Variants in FAM110B observed in about 807,000 individuals in gnomAD.
The protein encoded by FAM110B is family with sequence similarity 110 member B.
A neutral mutation model predicts 20.4 loss-of-function variants in FAM110B; 6 were observed. The observed-to-expected ratio is 0.29, with a 90% CI of 0.16 to 0.58. FAM110B has a LOEUF of 0.58. Ranked by LOEUF, FAM110B falls within the 20% of genes least tolerant of loss-of-function variation. FAM110B has a pLI of 0.90. For synonymous variants in FAM110B, 226 were observed against 214.1 expected (o/e 1.06, Z -0.49); for missense variants, 434 against 498.2 (o/e 0.87, Z 1.23).
chr8:58,108,104 T>A (rs1011840551), intron 3 of FAM110B, among the ~76,000 whole-genome samples: 1 of 152,224 alleles, frequency 6.6e-6, no homozygotes, highest in Non-Finnish European at 1.5e-5. Context: ...TCATGTAATG[T>A]ATTTTATCCT....
intron 3 of FAM110B, among the ~76,000 whole-genome samples, chr8:58,076,157 C>T (rs965069318): frequency 2.6e-5 from 4 of 152,080 alleles, no homozygotes; most frequent in Non-Finnish European, 5.9e-5. Context: ...GATGGGGTCT[C>T]ACTATGTTGC....
chr8:57,997,193 G>A (rs1421066482), intron 1 of FAM110B, among the ~76,000 whole-genome samples: 2 of 152,196 alleles, frequency 1.3e-5, no homozygotes, highest in African/African-American at 4.8e-5. Flanking sequence ...GGAGGCATAT[G>A]TATGGTCTAG....
Position 58,145,912 on chromosome 8 carries a change from C to T in FAM110B, c.-319C>T. The T allele has an allele frequency of 4.0e-6, 1 of 247,852 alleles. No homozygotes were observed. The highest frequency in any genetic ancestry group is 7.7e-6 in the Non-Finnish European group (1 of 129,174). The allele number at this position is 247,852 out of a possible 1,614,324, so 15.4% of individuals were successfully genotyped here. ...TTGGTTGTTTTGTGTTTCAGCTCTG[C>T]CTGCAGTTGAACACAAAGACCTGGA... On this transcript the variant is annotated 5_prime_UTR_variant, in exon 4 of 4. Coordinates refer to ENST00000519262, the MANE Select transcript of FAM110B (RefSeq NM_001377989.1).
chr8:58,137,549 G>A (rs941362113), intron 3 of FAM110B, among the ~76,000 whole-genome samples: 5 of 151,862 alleles, frequency 3.3e-5, no homozygotes, highest in Non-Finnish European at 7.4e-5. Context: ...AACACAGTGA[G>A]CCTCCGTCTT....
At chr8:58,071,275 G>C (rs544914382) in intron 2 of FAM110B, among the ~76,000 whole-genome samples, 4 of 152,116 alleles carry the variant, frequency 2.6e-5, no homozygotes, top group Non-Finnish European at 5.9e-5. Context: ...CTTCTCCATA[G>C]TGTCGTATTT....
intron 1 of FAM110B, among the ~76,000 whole-genome samples, chr8:58,012,715 C>T (rs978528054): frequency 6.6e-6 from 1 of 152,112 alleles, no homozygotes; most frequent in African/African-American, 2.4e-5. Context: ...TGGGGTTATC[C>T]CATTTCTTCC....
intron 3 of FAM110B, among the ~76,000 whole-genome samples, chr8:58,116,744 A>C (rs1807224558): frequency 6.6e-6 from 1 of 152,174 alleles, no homozygotes; most frequent in Non-Finnish European, 1.5e-5. Context: ...AAACCAAGAG[A>C]TTATAAATGA....
At chr8:58,034,179 C>A (rs1321767090) in intron 2 of FAM110B, among the ~76,000 whole-genome samples, 1 of 152,158 alleles carries the variant, frequency 6.6e-6, no homozygotes, top group East Asian at 1.9e-4. Context: ...GTGCATCTGT[C>A]TAGACCAAGG....
intron 2 of FAM110B, among the ~76,000 whole-genome samples, chr8:58,041,067 A>G (rs1805208275): frequency 6.7e-6 from 1 of 149,430 alleles, no homozygotes; most frequent in Non-Finnish European, 1.5e-5. Flanking sequence ...CAGCCTGCTG[A>G]GTAGCTAGGA....
chr8:58,054,264 T>C (rs1319428151), intron 2 of FAM110B, among the ~76,000 whole-genome samples: 3 of 152,116 alleles, frequency 2.0e-5, no homozygotes, highest in Admixed American at 6.5e-5. Context: ...AGTGGAGGCA[T>C]GAAGGTGGAT....
At chr8:58,082,132 A>G (rs943358869) in intron 3 of FAM110B, among the ~76,000 whole-genome samples, 2 of 152,226 alleles carry the variant, frequency 1.3e-5, no homozygotes, top group African/African-American at 2.4e-5. Flanking sequence ...GCTTTGCAGC[A>G]TCAGCGCTAT....
At chr8:58,054,261 G>A (rs180684407) in intron 2 of FAM110B, among the ~76,000 whole-genome samples, 2 of 152,244 alleles carry the variant, frequency 1.3e-5, no homozygotes, top group East Asian at 3.9e-4. Flanking sequence ...GGGAGTGGAG[G>A]CATGAAGGTG....
intron 2 of FAM110B, among the ~76,000 whole-genome samples, chr8:58,070,846 G>A (rs1805881654): frequency 6.6e-6 from 1 of 152,160 alleles, no homozygotes; most frequent in Non-Finnish European, 1.5e-5. Context: ...ATGTGCTATT[G>A]TTTCTTTAAA....
intron 2 of FAM110B, among the ~76,000 whole-genome samples, 165 bp downstream of exon 2, chr8:58,031,868 C>A (rs928836712): frequency 6.6e-6 from 1 of 152,120 alleles, no homozygotes; most frequent in African/African-American, 2.4e-5. Context: ...TCTCTCCCTT[C>A]CTCCCCCTTC....
intron 1 of FAM110B, among the ~76,000 whole-genome samples, chr8:58,027,549 A>C (rs1268311144): frequency 6.6e-6 from 1 of 152,152 alleles, no homozygotes; most frequent in African/African-American, 2.4e-5. Flanking sequence ...ACAATCTTGA[A>C]ATAGAACATC....
intron 3 of FAM110B, among the ~76,000 whole-genome samples, chr8:58,077,525 G>C (rs1380048248): frequency 6.6e-6 from 1 of 152,188 alleles, no homozygotes; most frequent in African/African-American, 2.4e-5. Context: ...CTTCACCTCA[G>C]CTCGTCTGCT....
chr8:58,000,415 AT>A (rs1302383031), intron 1 of FAM110B, among the ~76,000 whole-genome samples: 1 of 152,072 alleles, frequency 6.6e-6, no homozygotes, highest in African/African-American at 2.4e-5. Flanking sequence ...TGCTGTTTGT[AT>A]TTTTCAACAG....
At chr8:58,141,147 T>C (rs1238117316) in intron 3 of FAM110B, among the ~76,000 whole-genome samples, 8 of 152,188 alleles carry the variant, frequency 5.3e-5, no homozygotes, top group Admixed American at 5.2e-4. Flanking sequence ...AGTATAGATA[T>C]GAGAGTGATC....
chr8:58,003,388 C>T (rs1804340006), intron 1 of FAM110B, among the ~76,000 whole-genome samples: 1 of 152,180 alleles, frequency 6.6e-6, no homozygotes, highest in African/African-American at 2.4e-5. Context: ...GATCTCCTCC[C>T]ATGAATCATG....
Sources: gnomAD v4.1 joint callset for allele counts (sites outside exome capture counted in the v4.1 genomes callset) on GRCh38, gnomAD v4.1.1 for gene constraint, MANE v1.5 for transcripts, NCBI Gene and HGNC (gene_info 2026-07-23, HGNC 2026-07-21) for gene names.